DGKI: variants seen among roughly 807,000 people sequenced by gnomAD.
DGKI encodes diacylglycerol kinase iota.
In DGKI, 55 loss-of-function variants were observed where a neutral mutation model predicts 147.5. That is an observed-to-expected ratio of 0.37 (90% confidence interval 0.30 to 0.47). DGKI has a LOEUF of 0.47. DGKI is among the 20% of genes least tolerant of loss of function. The pLI, the probability that DGKI is intolerant of heterozygous loss-of-function variation, is 1.00. For missense variants in DGKI, 1,007 were observed against 1,323.8 expected (o/e 0.76, Z 3.71); for synonymous variants, 469 against 477.1 (o/e 0.98, Z 0.22).
At chr7:137,395,886 G>T in intron 31 of DGKI, 189 bp from the exon 32 acceptor site, 1 of 552,428 alleles carries the variant, frequency 1.8e-6, no homozygotes, top group Non-Finnish European at 3.2e-6. Context: ...GCCATCAACT[G>T]ATCATAATAT....
chr7:137,407,511 G>C (rs1404145913), intron 30 of DGKI, among the ~76,000 whole-genome samples: 2 of 152,122 alleles, frequency 1.3e-5, no homozygotes, highest in Non-Finnish European at 2.9e-5. Flanking sequence ...GCAAATACAG[G>C]TGAGGTAGGG....
At chr7:137,755,477 G>C (rs536467673) in intron 1 of DGKI, among the ~76,000 whole-genome samples, 20 of 152,290 alleles carry the variant, frequency 1.3e-4, no homozygotes, top group Non-Finnish European at 2.6e-4. Flanking sequence ...ATTGCTTCTA[G>C]GTCTAGATTG....
rs895555726 is a variant in DGKI at position 137,386,566 on chromosome 7, A to G, written c.*4654T>C. ...TTTCATTTTGATGTATTTTGAGCAT[A>G]ATATCTGGGGAAGATTTTTGCAACT... is the stretch of plus-strand genomic sequence containing the variant. On this transcript the variant is annotated 3_prime_UTR_variant, in exon 33 of 33. Coordinates refer to ENST00000614521, the MANE Select transcript of DGKI (RefSeq NM_001321708.2). 2.6e-5 allele frequency: 4 copies of G among 152,116 alleles called. No individual in the cohort carries two copies. Among genetic ancestry groups the G allele is most frequent in the African/African-American group, 9.7e-5 (4 of 41,434 alleles). 9.4% of individuals were successfully genotyped at this position (152,116 alleles called of 1,614,324 possible). A position where few individuals can be genotyped will look rare whatever the true frequency, so the allele number is the denominator to read the frequency against.
chr7:137,608,031 C>T (rs1230993323), intron 10 of DGKI, among the ~76,000 whole-genome samples: 2 of 152,128 alleles, frequency 1.3e-5, no homozygotes, highest in Admixed American at 1.3e-4. Flanking sequence ...GTAATTAATA[C>T]ATTCTGGACA....
chr7:137,518,734 G>A (rs1563064950), intron 21 of DGKI, among the ~76,000 whole-genome samples: 2 of 151,946 alleles, frequency 1.3e-5, no homozygotes. Context: ...AGTTAAATTT[G>A]GGGGAATATC....
intron 21 of DGKI, among the ~76,000 whole-genome samples, chr7:137,507,742 G>A (rs1816416446): frequency 6.6e-6 from 1 of 152,150 alleles, no homozygotes; most frequent in South Asian, 2.1e-4. Context: ...CCCTCAAGGA[G>A]TTTACAGAAT....
At chr7:137,449,239 T>A (rs1205556054) in intron 27 of DGKI, among the ~76,000 whole-genome samples, 1 of 151,966 alleles carries the variant, frequency 6.6e-6, no homozygotes, top group African/African-American at 2.4e-5. Flanking sequence ...CTCAAAATAT[T>A]TGACAAAGCT....
At chr7:137,494,808 A>G (rs974839266) in intron 21 of DGKI, among the ~76,000 whole-genome samples, 3 of 152,188 alleles carry the variant, frequency 2.0e-5, no homozygotes, top group African/African-American at 7.2e-5. Context: ...ACAGGATCAA[A>G]TCCACACATA....
intron 30 of DGKI, among the ~76,000 whole-genome samples, chr7:137,406,885 A>G (rs1016729428): frequency 1.3e-5 from 2 of 151,142 alleles, no homozygotes; most frequent in Admixed American, 1.3e-4. Flanking sequence ...AATATTTGTT[A>G]AATGAATGAA....
intron 9 of DGKI, 112 bp from the exon 10 acceptor site, chr7:137,609,176 C>CACTTTTTTTTTTT: frequency 1.3e-6 from 1 of 741,684 alleles, no homozygotes; most frequent in African/African-American, 1.8e-5. Flanking sequence ...CCAGGGCTGA[C>CACTTTTTTTTTTT]TCTTAACACG....
At chr7:137,495,293 A>C (rs935704167) in intron 21 of DGKI, among the ~76,000 whole-genome samples, 2 of 152,064 alleles carry the variant, frequency 1.3e-5, no homozygotes, top group Admixed American at 1.3e-4. Context: ...AAACAGAATC[A>C]GTAATAAAAA....
Position 137,449,895 on chromosome 7 carries a change from A to G in DGKI, c.2736-5793T>C, listed in dbSNP as rs114396645. Among the ~76,000 whole-genome samples the G allele has an allele frequency of 2.4e-3, 359 of 152,342 alleles. 1 individual carries two copies. Among genetic ancestry groups the G allele is most frequent in the African/African-American group, 8.4e-3 (350 of 41,588 alleles). ...ATGGAATCAACCTAAGTGTCCATCAACGTACAAATGGATAAAGAAAATGTG... is the reference window on the plus strand; with the variant it reads ...ATGGAATCAACCTAAGTGTCCATCAGCGTACAAATGGATAAAGAAAATGTG... On this transcript the variant is annotated intron_variant, in intron 27 of 32. Transcript: ENST00000614521.
At chr7:137,424,425 G>A (rs944750471) in intron 28 of DGKI, among the ~76,000 whole-genome samples, 9 of 152,198 alleles carry the variant, frequency 5.9e-5, no homozygotes, top group African/African-American at 1.7e-4. Context: ...GGCCGAATAT[G>A]AACAGCTCCG....
chr7:137,513,346 T>G (rs10249241), intron 21 of DGKI, among the ~76,000 whole-genome samples: 21,068 of 152,068 alleles, frequency 0.14, 3,318 homozygotes, highest in African/African-American at 0.38. Flanking sequence ...TGCTCCTGCA[T>G]TTGGCCCTCT....
chr7:137,598,398 C>T (rs1490044545), intron 11 of DGKI, among the ~76,000 whole-genome samples: 2 of 152,086 alleles, frequency 1.3e-5, no homozygotes, highest in African/African-American at 4.8e-5. Flanking sequence ...TCTTTTTCAG[C>T]GAGACGGGGA....
At chr7:137,396,273 G>A (rs557700969) in intron 31 of DGKI, among the ~76,000 whole-genome samples, 1 of 152,284 alleles carries the variant, frequency 6.6e-6, no homozygotes, top group Non-Finnish European at 1.5e-5. Flanking sequence ...AGCCATAGAG[G>A]ATATCTGAGA....
chr7:137,753,102 T>C (rs1019890479), intron 1 of DGKI, among the ~76,000 whole-genome samples: 5 of 152,130 alleles, frequency 3.3e-5, no homozygotes, highest in Non-Finnish European at 5.9e-5. Flanking sequence ...TTGGCTATTC[T>C]GTACTCAGGA....
intron 12 of DGKI, among the ~76,000 whole-genome samples, chr7:137,596,001 C>CAAA (rs71177914): frequency 0.073 from 3,236 of 44,600 alleles, 52 homozygotes; most frequent in Non-Finnish European, 0.095. Flanking sequence ...GACTCCGTCT[C>CAAA]AAAAAAAAAA....
intron 2 of DGKI, among the ~76,000 whole-genome samples, chr7:137,683,889 C>T (rs1459124962): frequency 2.0e-5 from 3 of 152,142 alleles, no homozygotes; most frequent in Non-Finnish European, 4.4e-5. Flanking sequence ...TAGATATAGG[C>T]ATGTTTTCTT....
Sources: allele counts gnomAD v4.1 joint callset (sites outside exome capture counted in the v4.1 genomes callset), GRCh38; gene constraint gnomAD v4.1.1; transcripts MANE v1.5; gene names NCBI Gene and HGNC (gene_info 2026-07-23, HGNC 2026-07-21).